The following DCC variants were observed in gnomAD, a reference collection of about 807,000 sequenced individuals.
DCC encodes netrin receptor DCC.
DCC carries 58 observed loss-of-function variants against 172.5 expected under a neutral mutation model. That is an observed-to-expected ratio of 0.34 (90% CI 0.27 to 0.42). The LOEUF (loss-of-function observed/expected upper bound fraction) is 0.42. DCC is among the 10% of genes least tolerant of loss of function. The probability of loss-of-function intolerance (pLI) is 1.00; values close to 1 mark genes in which losing one functional copy is unlikely to be tolerated. For synonymous variants in DCC, 709 were observed against 644.5 expected (o/e 1.10, Z -1.52); for missense variants, 1,740 against 1,791.0 (o/e 0.97, Z 0.51).
intron 1 of DCC, among the ~76,000 whole-genome samples, chr18:52,509,718 G>T (rs2031365181): frequency 6.6e-6 from 1 of 152,128 alleles, no homozygotes; most frequent in Non-Finnish European, 1.5e-5. Context: ...GGATCTTGTG[G>T]CCTTATGTTT....
chr18:52,605,095 A>G (rs946755818), intron 1 of DCC, among the ~76,000 whole-genome samples: 5 of 152,128 alleles, frequency 3.3e-5, no homozygotes, highest in African/African-American at 1.2e-4. Flanking sequence ...CTTGTCAGGT[A>G]ACATCTCTTA....
intron 21 of DCC, among the ~76,000 whole-genome samples, chr18:53,416,828 A>G (rs1261691279): frequency 2.6e-5 from 4 of 152,216 alleles, no homozygotes; most frequent in African/African-American, 7.2e-5. Flanking sequence ...GTGGATATGA[A>G]CTTACTATTA....
intron 1 of DCC, among the ~76,000 whole-genome samples, chr18:52,707,201 G>A (rs1223122753): frequency 6.6e-6 from 1 of 152,152 alleles, no homozygotes; most frequent in African/African-American, 2.4e-5. Flanking sequence ...TGTTAAACTT[G>A]TATGATTTAT....
At chr18:52,676,180 A>G (rs1440987965) in intron 1 of DCC, among the ~76,000 whole-genome samples, 1 of 152,204 alleles carries the variant, frequency 6.6e-6, no homozygotes, top group African/African-American at 2.4e-5. Flanking sequence ...ATGGATTCAA[A>G]TCCCAGTTCT....
chr18:52,439,978 G>A (rs867336093), intron 1 of DCC, among the ~76,000 whole-genome samples: 2 of 152,196 alleles, frequency 1.3e-5, no homozygotes, highest in East Asian at 1.9e-4. Flanking sequence ...AGGAAGGAAG[G>A]CACAACATGC....
intron 1 of DCC, among the ~76,000 whole-genome samples, chr18:52,514,824 A>T (rs1308276383): frequency 6.6e-6 from 1 of 152,194 alleles, no homozygotes; most frequent in Non-Finnish European, 1.5e-5. Context: ...TGCCATATTT[A>T]GATCTAAATT....
At chr18:53,182,370 C>A (rs2055210716) in intron 9 of DCC, among the ~76,000 whole-genome samples, 1 of 152,160 alleles carries the variant, frequency 6.6e-6, no homozygotes, top group South Asian at 2.1e-4. Flanking sequence ...GATACCTTTG[C>A]AGATCATTGT....
At chr18:52,530,853 C>T (rs1353552212) in intron 1 of DCC, among the ~76,000 whole-genome samples, 1 of 152,108 alleles carries the variant, frequency 6.6e-6, no homozygotes, top group Non-Finnish European at 1.5e-5. Context: ...GAGAAGATGC[C>T]TATGTCAGCT....
intron 2 of DCC, among the ~76,000 whole-genome samples, chr18:52,892,151 C>T (rs1343924527): frequency 6.6e-6 from 1 of 152,062 alleles, no homozygotes; most frequent in Non-Finnish European, 1.5e-5. Context: ...TAAATAAATA[C>T]TTCTTGATGC....
chr18:52,547,238 A>G (rs2032641297), intron 1 of DCC, among the ~76,000 whole-genome samples: 1 of 152,220 alleles, frequency 6.6e-6, no homozygotes, highest in African/African-American at 2.4e-5. Context: ...CTATGCACTT[A>G]ACCATGTAGC....
At chr18:53,513,742 C>T (rs2046293114) in intron 27 of DCC, among the ~76,000 whole-genome samples, 1 of 150,598 alleles carries the variant, frequency 6.6e-6, no homozygotes. Context: ...CTAAAGGGAT[C>T]AATTCAACAA....
At chr18:53,138,698 T>C (rs2043783945) in intron 7 of DCC, among the ~76,000 whole-genome samples, 3 of 152,192 alleles carry the variant, frequency 2.0e-5, no homozygotes, top group Admixed American at 1.3e-4. Flanking sequence ...GAATTTACAA[T>C]TTTGTCGTTG....
chr18:53,306,095 A>AG (rs1021199885), intron 13 of DCC, among the ~76,000 whole-genome samples: 4 of 152,136 alleles, frequency 2.6e-5, no homozygotes, highest in Non-Finnish European at 5.9e-5. Context: ...ACCAATATTC[A>AG]GGGGTGAGAA....
intron 1 of DCC, among the ~76,000 whole-genome samples, chr18:52,636,138 A>G (rs1257212324): frequency 6.6e-6 from 1 of 152,212 alleles, no homozygotes; most frequent in Non-Finnish European, 1.5e-5. Flanking sequence ...AGCTGAGTCA[A>G]TTAGGAGAGC....
At chr18:52,556,454 A>G (rs1329721769) in intron 1 of DCC, among the ~76,000 whole-genome samples, 1 of 152,078 alleles carries the variant, frequency 6.6e-6, no homozygotes, top group Non-Finnish European at 1.5e-5. Context: ...AAGGAGAACA[A>G]ACTTGGTAAA....
chr18:53,342,229 C>T (rs1242841609), intron 15 of DCC, among the ~76,000 whole-genome samples: 3 of 151,998 alleles, frequency 2.0e-5, no homozygotes, highest in Non-Finnish European at 1.5e-5. Flanking sequence ...AATACAAGAA[C>T]ATTTTGAGTA....
intron 1 of DCC, among the ~76,000 whole-genome samples, chr18:52,613,405 G>A (rs1234998494): frequency 6.6e-6 from 1 of 151,848 alleles, no homozygotes; most frequent in Non-Finnish European, 1.5e-5. Flanking sequence ...ACAGGCACCC[G>A]CCACCACGCC....
intron 1 of DCC, among the ~76,000 whole-genome samples, chr18:52,744,701 A>G (rs1254324016): frequency 6.6e-6 from 1 of 152,236 alleles, no homozygotes; most frequent in Non-Finnish European, 1.5e-5. Flanking sequence ...TCTAGCGGAA[A>G]TTAAAGTCTT....
At chr18:53,233,489 T>C (rs2056153995) in intron 12 of DCC, among the ~76,000 whole-genome samples, 1 of 152,154 alleles carries the variant, frequency 6.6e-6, no homozygotes, top group East Asian at 1.9e-4. Context: ...TTTAGGTAAT[T>C]ATTCCAGGTT....
Sources: allele counts gnomAD v4.1 joint callset (sites outside exome capture counted in the v4.1 genomes callset), GRCh38; gene constraint gnomAD v4.1.1; transcripts MANE v1.5; gene names NCBI Gene and HGNC (gene_info 2026-07-23, HGNC 2026-07-21).